Variants in SPDYE4 observed in about 807,000 individuals in gnomAD.
SPDYE4 encodes the protein speedy protein E4.
SPDYE4 carries 30 observed loss-of-function variants against 37.5 expected under a neutral mutation model. The observed-to-expected ratio is 0.80, with a 90% CI of 0.60 to 1.09. The LOEUF is 1.09. Among genes scored for constraint, SPDYE4 ranks in the 50% least tolerant of loss-of-function variants. The probability of loss-of-function intolerance (pLI) is 0.00; values close to 1 mark genes in which losing one functional copy is unlikely to be tolerated. For missense variants in SPDYE4, 300 were observed against 307.9 expected (o/e 0.97, Z 0.19); for synonymous variants, 131 against 120.3 (o/e 1.09, Z -0.58).
chr17:8,756,757 G>C (rs987412077), intron 2 of SPDYE4, among the ~76,000 whole-genome samples: 2 of 152,198 alleles, frequency 1.3e-5, no homozygotes, highest in Admixed American at 1.3e-4. Flanking sequence ...ATTGCTTCCT[G>C]AGATAGTCAC....
At chr17:8,752,358 C>T (rs765701524) in intron 6 of SPDYE4, among the ~76,000 whole-genome samples, 121 bp from the exon 7 acceptor site, 15 of 152,162 alleles carry the variant, frequency 9.9e-5, no homozygotes, top group Admixed American at 2.0e-4. Flanking sequence ...GATTTTATCT[C>T]TAACCCTTTA....
intron 4 of SPDYE4, 149 bp from the exon 5 acceptor site, chr17:8,753,638 C>A: frequency 2.2e-6 from 2 of 908,978 alleles, no homozygotes; most frequent in East Asian, 2.7e-5. Context: ...TCAGGAGGCC[C>A]CGCTGGACAG....
At chr17:8,756,911 A>G (rs993551975) in intron 2 of SPDYE4, among the ~76,000 whole-genome samples, 3 of 145,640 alleles carry the variant, frequency 2.1e-5, no homozygotes, top group African/African-American at 7.6e-5. Context: ...TATTTTATTT[A>G]TTTTATGACA....
At chr17:8,756,565 G>A (rs981369712) in intron 2 of SPDYE4, 129 bp from the exon 3 acceptor site, 31 of 832,024 alleles carry the variant, frequency 3.7e-5, no homozygotes, top group Non-Finnish European at 5.3e-5. Context: ...AGGTGGATGG[G>A]AGAGGAGAGA....
intron 1 of SPDYE4, among the ~76,000 whole-genome samples, 185 bp downstream of exon 1, chr17:8,758,089 A>G (rs1180942321): frequency 6.6e-6 from 1 of 151,632 alleles, no homozygotes; most frequent in African/African-American, 2.4e-5. Context: ...TGCTCCCCAG[A>G]CTTTCTTTAC....
At position 8,758,336 on chromosome 17, in the gene SPDYE4, T is replaced by C; in HGVS notation, c.47A>G (p.Gln16Arg). 6.4e-7 allele frequency: 1 copy of C among 1,551,588 alleles called. No individual in the cohort carries two copies. Among genetic ancestry groups the C allele is most frequent in the Admixed American group, 2.0e-5 (1 of 50,966 alleles). ...GGGGGACCGTACCGTTGTGCTAGGC[T>C]GGGGGCTCTCCTCCTCAAACGGGGG... The part of the protein sequence containing the change: ...ARPPFEEESP[Q>R]PSTTVRSPEV... Residue 16 changes from glutamine to arginine, a missense_variant, in exon 1 of 7, where the codon CAG becomes CGG. Physicochemically the swap from Gln to Arg is conservative, Grantham distance 43 (BLOSUM62 1). Coordinates refer to ENST00000689094, the MANE Select transcript of SPDYE4 (RefSeq NM_001394956.1).
In SPDYE4 at chr17:8,751,569, C is replaced by T. The variant is rs1394651494; in HGVS notation, c.*713G>A. Among the ~76,000 whole-genome samples the T allele has an allele frequency of 2.0e-5, 3 of 152,008 alleles. No homozygotes were observed. The highest frequency in any genetic ancestry group is 4.8e-5 in the African/African-American group (2 of 41,392). ...CAGTATCATAGATTACAAGAGTGCT[C>T]GCTTCAGGAGCACATTTAATAATAG... On this transcript the variant is annotated 3_prime_UTR_variant, in exon 7 of 7. Transcript: ENST00000689094.
Position 8,758,257 on chromosome 17 carries a change from C to T in SPDYE4, c.109+17G>A. The T allele has an allele frequency of 6.6e-7, 1 of 1,520,278 alleles. No individual in the cohort carries two copies. The highest frequency in any genetic ancestry group is 8.9e-7 in the Non-Finnish European group (1 of 1,128,340). The allele number at this position is 1,520,278 out of a possible 1,614,324, so 94.2% of individuals were successfully genotyped here. On this transcript the variant is annotated intron_variant, in intron 1 of 6. Coordinates refer to ENST00000689094, the MANE Select transcript of SPDYE4 (RefSeq NM_001394956.1). Reference sequence around the variant, plus strand: ...CAGTCAATCATCTCCCATCGCTTCTCCCTCCAGTCACCTCACCTGATGGTC... The same window carrying T: ...CAGTCAATCATCTCCCATCGCTTCTTCCTCCAGTCACCTCACCTGATGGTC...
At chr17:8,747,815 G>A (rs2086700570), downstream of SPDYE4, among the ~76,000 whole-genome samples, 3 of 152,184 alleles carry the variant, frequency 2.0e-5, no homozygotes, top group Admixed American at 2.0e-4. Flanking sequence ...AAATTCATAT[G>A]TTGAAACCCT....
At chr17:8,748,670 C>T (rs113645028), downstream of SPDYE4, among the ~76,000 whole-genome samples, 481 of 152,344 alleles carry the variant, frequency 3.2e-3, 9 homozygotes, top group African/African-American at 0.011. Context: ...CATCTTTATA[C>T]AGCCATTTCT....
In SPDYE4 at chr17:8,752,068, C is replaced by A. The variant is rs2086731963; in HGVS notation, c.*214G>T. Among the ~76,000 whole-genome samples the A allele has an allele frequency of 6.6e-6, 1 of 152,246 alleles. No individual in the cohort carries two copies. The highest frequency in any genetic ancestry group is 1.9e-4 in the East Asian group (1 of 5,182). On this transcript the variant is annotated 3_prime_UTR_variant, in exon 7 of 7. Transcript: ENST00000689094. ...CCTCCACTGACTCCTAGAAATACCT[C>A]CATGGCTCCTAGGAGGAAAACCTGG... is the stretch of plus-strand genomic sequence containing the variant.
At chr17:8,748,815 C>T (rs373021806), downstream of SPDYE4, among the ~76,000 whole-genome samples, 232 of 152,298 alleles carry the variant, frequency 1.5e-3, no homozygotes, top group African/African-American at 5.2e-3. Context: ...TGCTACTCAT[C>T]CTAATACTTT....
At chr17:8,750,409 TA>T (rs1286823919), downstream of SPDYE4, among the ~76,000 whole-genome samples, 9 of 149,660 alleles carry the variant, frequency 6.0e-5, no homozygotes, top group East Asian at 2.0e-4. Flanking sequence ...AATAAATAAA[TA>T]AAATAAAATA....
In SPDYE4 at chr17:8,751,198, T is replaced by G. The variant is rs2086726046; in HGVS notation, c.*1084A>C. On this transcript the variant is annotated 3_prime_UTR_variant, in exon 7 of 7. Coordinates refer to ENST00000689094, the MANE Select transcript of SPDYE4 (RefSeq NM_001394956.1). ...AGATTTAAAAATAAAACATTTAGGATAAAAAGAATCCTCTCTTAAAAATGA... is the reference window on the plus strand; with the variant it reads ...AGATTTAAAAATAAAACATTTAGGAGAAAAAGAATCCTCTCTTAAAAATGA... Among the ~76,000 whole-genome samples the G allele has an allele frequency of 6.6e-6, 1 of 152,180 alleles. No homozygotes were observed. Among genetic ancestry groups the G allele is most frequent in the Non-Finnish European group, 1.5e-5 (1 of 68,008 alleles).
At chr17:8,749,962 A>C (rs561977961), downstream of SPDYE4, among the ~76,000 whole-genome samples, 54 of 152,210 alleles carry the variant, frequency 3.5e-4, no homozygotes, top group Non-Finnish European at 5.3e-4. Context: ...GGTTACACAA[A>C]CATCAACACT....
chr17:8,758,133 T>A (rs2086789789), intron 1 of SPDYE4, 141 bp downstream of exon 1: 1 of 705,382 alleles, frequency 1.4e-6, no homozygotes, highest in East Asian at 2.8e-5. Flanking sequence ...CCCTGCACCC[T>A]CCTTCCCCGA....
At chr17:8,748,377 C>A (rs936573719), downstream of SPDYE4, among the ~76,000 whole-genome samples, 1 of 152,222 alleles carries the variant, frequency 6.6e-6, no homozygotes, top group African/African-American at 2.4e-5. Flanking sequence ...GCAGATGCTG[C>A]TTCTCCTGGC....
chr17:8,752,738 A>T (rs984337881), intron 6 of SPDYE4, among the ~76,000 whole-genome samples: 2 of 152,186 alleles, frequency 1.3e-5, no homozygotes, highest in East Asian at 3.9e-4. Flanking sequence ...TCTTCACTGA[A>T]TCCTTTCCTC....
downstream of SPDYE4, among the ~76,000 whole-genome samples, chr17:8,750,405 T>TAAATAAATA (rs1555523653): frequency 1.6e-4 from 24 of 149,782 alleles, no homozygotes; most frequent in African/African-American, 5.4e-4. Flanking sequence ...AATAAATAAA[T>TAAATAAATA]AAATAAAATA....
Sources: allele counts gnomAD v4.1 joint callset (sites outside exome capture counted in the v4.1 genomes callset), GRCh38; gene constraint gnomAD v4.1.1; transcripts MANE v1.5; gene names NCBI Gene and HGNC (gene_info 2026-07-23, HGNC 2026-07-21).